GDAP1L1: variants seen among roughly 807,000 people sequenced by gnomAD.
GDAP1L1 encodes the protein ganglioside-induced differentiation-associated protein 1-like 1.
A neutral mutation model predicts 37.1 loss-of-function variants in GDAP1L1; 21 were observed. The observed-to-expected ratio is 0.57, with a 90% CI of 0.40 to 0.81. The LOEUF (loss-of-function observed/expected upper bound fraction) is 0.81, where lower values mean the gene tolerates loss of function less well. Among genes scored for constraint, GDAP1L1 ranks in the 40% least tolerant of loss-of-function variants. GDAP1L1 has a pLI of 0.00. For missense variants in GDAP1L1, 362 were observed against 491.6 expected (o/e 0.74, Z 2.49); for synonymous variants, 193 against 209.1 (o/e 0.92, Z 0.67).
chr20:44,254,688 G>T (rs1292953174), intron 1 of GDAP1L1, among the ~76,000 whole-genome samples: 1 of 152,206 alleles, frequency 6.6e-6, no homozygotes, highest in Non-Finnish European at 1.5e-5. Context: ...CTGCCTCCTA[G>T]CCCAGGGTCT....
In GDAP1L1 at chr20:44,264,505, A is replaced by G. The variant is rs139517747; in HGVS notation, c.706A>G (p.Met236Val). 1.9e-6 allele frequency: 3 copies of G among 1,574,954 alleles called. No homozygotes were observed. Among genetic ancestry groups the G allele is most frequent in the Non-Finnish European group, 2.6e-6 (3 of 1,160,116 alleles). The change falls in exon 5 of 6, where the codon ATG (methionine) becomes GTG (valine). Residue 236 changes from methionine to valine, a missense_variant. Physicochemically the swap from Met to Val is conservative, Grantham distance 21 (BLOSUM62 1). Coordinates refer to ENST00000342560, the MANE Select transcript of GDAP1L1 (RefSeq NM_024034.6). ...YLKKILGELA[M>V]VLDQIEAELE... Reference sequence around the variant, plus strand: ...GAAGAAGATCCTCGGGGAACTGGCCATGGTGCTGGACCAGATTGAGGCGGA... The same window carrying G: ...GAAGAAGATCCTCGGGGAACTGGCCGTGGTGCTGGACCAGATTGAGGCGGA...
chr20:44,278,901 C>T, intron 5 of GDAP1L1, 56 bp from the exon 6 acceptor site: 1 of 1,122,180 alleles, frequency 8.9e-7, no homozygotes, highest in Non-Finnish European at 1.3e-6. Context: ...TGGAGAGAAG[C>T]AAGTGTGTGT....
At position 44,278,981 on chromosome 20, in the gene GDAP1L1, G is replaced by C; in HGVS notation, c.785G>C (p.Cys262Ser). 6.2e-7 allele frequency: 1 copy of C among 1,613,426 alleles called. No individual in the cohort carries two copies. Among genetic ancestry groups the C allele is most frequent in the Non-Finnish European group, 8.5e-7 (1 of 1,179,484 alleles). ...NEGQKCELWL[C>S]GCAFTLADVL... ...GGGCAGAAATGCGAGCTGTGGCTCTGTGGCTGTGCCTTCACCCTCGCTGAT... is the reference window on the plus strand; with the variant it reads ...GGGCAGAAATGCGAGCTGTGGCTCTCTGGCTGTGCCTTCACCCTCGCTGAT... The change falls in exon 6 of 6, where the codon TGT becomes TCT. Residue 262 changes from cysteine to serine, a missense_variant. Physicochemically the swap from Cys to Ser is moderately radical, Grantham distance 112. Transcript: ENST00000342560.
intron 5 of GDAP1L1, among the ~76,000 whole-genome samples, chr20:44,274,950 T>C (rs2062557881): frequency 6.6e-6 from 1 of 152,088 alleles, no homozygotes; most frequent in African/African-American, 2.4e-5. Flanking sequence ...TGGAGTGCGG[T>C]GGTGTGAAAA....
intron 2 of GDAP1L1, chr20:44,258,086 T>C: frequency 1.4e-6 from 1 of 708,234 alleles, no homozygotes; most frequent in Non-Finnish European, 2.6e-6. Flanking sequence ...ATGCACTGTT[T>C]TAAAAGAATG....
At chr20:44,272,375 G>T (rs960652495) in intron 5 of GDAP1L1, among the ~76,000 whole-genome samples, 1 of 152,204 alleles carries the variant, frequency 6.6e-6, no homozygotes, top group African/African-American at 2.4e-5. Context: ...GAACCATGAG[G>T]TGATGTCATT....
At chr20:44,253,804 T>G (rs2073489174) in intron 1 of GDAP1L1, among the ~76,000 whole-genome samples, 1 of 152,234 alleles carries the variant, frequency 6.6e-6, no homozygotes, top group African/African-American at 2.4e-5. Flanking sequence ...AAAGTCTCCT[T>G]GGCCGCCTGC....
At chr20:44,254,465 G>T (rs1269855112) in intron 1 of GDAP1L1, among the ~76,000 whole-genome samples, 1 of 152,216 alleles carries the variant, frequency 6.6e-6, no homozygotes, top group Non-Finnish European at 1.5e-5. Context: ...TCCCACTGCC[G>T]AGGAGGGAAG....
intron 5 of GDAP1L1, among the ~76,000 whole-genome samples, chr20:44,272,552 T>C (rs59393754): frequency 0.028 from 4,236 of 152,206 alleles, 186 homozygotes; most frequent in African/African-American, 0.098. Flanking sequence ...GTGTAACCAG[T>C]TGGCCTCATT....
Position 44,279,030 on chromosome 20 carries a change from C to T in GDAP1L1, c.834C>T (p.His278=). 6.2e-7 allele frequency: 1 copy of T among 1,614,112 alleles called. No homozygotes were observed. The highest frequency in any genetic ancestry group is 8.5e-7 in the Non-Finnish European group (1 of 1,179,964). ...LADVLLGATL[H]RLKFLGLSKK... is the part of the protein sequence containing the mutation. ...ATGTCCTCCTGGGAGCCACCCTGCA[C>T]CGCCTCAAGTTCCTGGGACTGTCCA... The change falls in exon 6 of 6, where the codon CAC becomes CAT. Residue 278 remains histidine, a synonymous_variant. Transcript: ENST00000342560.
intron 5 of GDAP1L1, among the ~76,000 whole-genome samples, chr20:44,277,610 G>T (rs948700833): frequency 6.6e-6 from 1 of 152,240 alleles, no homozygotes; most frequent in East Asian, 1.9e-4. Context: ...TGAGAAGGGA[G>T]AAGTGACATT....
intron 4 of GDAP1L1, among the ~76,000 whole-genome samples, chr20:44,264,108 G>A (rs1173718316): frequency 6.6e-6 from 1 of 152,212 alleles, no homozygotes; most frequent in Non-Finnish European, 1.5e-5. Flanking sequence ...GCTACAGATT[G>A]TTGGAGGGAG....
At chr20:44,248,014 G>A (rs983971217) in intron 1 of GDAP1L1, among the ~76,000 whole-genome samples, 1 of 152,106 alleles carries the variant, frequency 6.6e-6, no homozygotes, top group African/African-American at 2.4e-5. Context: ...TCTGCGGGCC[G>A]CCTTCTGGCT....
intron 2 of GDAP1L1, 101 bp downstream of exon 2, chr20:44,257,446 A>G: frequency 8.3e-7 from 1 of 1,206,214 alleles, no homozygotes; most frequent in East Asian, 2.6e-5. Context: ...AGTCTGGGAA[A>G]TTCACTGGAG....
chr20:44,268,551 C>A lies in GDAP1L1; in HGVS notation c.760+3992C>A, dbSNP rs76544676. 3.9e-5 allele frequency among the ~76,000 whole-genome samples: 6 copies of A among 152,180 alleles called. No individual in the cohort carries two copies. The East Asian group carries it at 1.2e-3, about 29-fold the overall frequency. ...GAAAAAGACATTAGTCAAATAATCC[C>A]ATAAGTAAACACAGAATTGCACACA... On this transcript the variant is annotated intron_variant, in intron 5 of 5. Transcript: ENST00000342560.
chr20:44,271,111 A>G (rs2062510950), intron 5 of GDAP1L1, among the ~76,000 whole-genome samples: 1 of 152,126 alleles, frequency 6.6e-6, no homozygotes, highest in South Asian at 2.1e-4. Flanking sequence ...AGAAAGCACA[A>G]AAATTAGCTG....
At chr20:44,260,900 C>T (rs1395831252) in intron 3 of GDAP1L1, among the ~76,000 whole-genome samples, 1 of 152,170 alleles carries the variant, frequency 6.6e-6, no homozygotes. Context: ...CTGCATTTTA[C>T]GAAGATCTCT....
chr20:44,264,579 G>T lies in GDAP1L1; in HGVS notation c.760+20G>T. On this transcript the variant is annotated intron_variant, in intron 5 of 5. Coordinates refer to ENST00000342560, the MANE Select transcript of GDAP1L1 (RefSeq NM_024034.6). The stretch of plus-strand genomic sequence containing the variant: ...ACGAGGGTGGGTGCCAGCCCTGGGG[G>T]AGGTGGGGGCTGCAGCCCACCCAGC... 1 of 1,607,878 alleles carries T rather than the reference G, an allele frequency of 6.2e-7. No individual in the cohort carries two copies. Among genetic ancestry groups the T allele is most frequent in the Non-Finnish European group, 8.5e-7 (1 of 1,176,806 alleles).
chr20:44,258,182 G>A (rs1300855791), intron 2 of GDAP1L1: 1 of 717,500 alleles, frequency 1.4e-6, no homozygotes, highest in Non-Finnish European at 2.6e-6. Flanking sequence ...CGCAACACTG[G>A]GTCTAGGACC....
Sources: allele counts gnomAD v4.1 joint callset (sites outside exome capture counted in the v4.1 genomes callset), GRCh38; gene constraint gnomAD v4.1.1; transcripts MANE v1.5; gene names NCBI Gene and HGNC (gene_info 2026-07-23, HGNC 2026-07-21).